The following TEAD1 variants were observed in gnomAD, a reference collection of about 807,000 sequenced individuals.
TEAD1 encodes the protein transcriptional enhancer factor TEF-1.
In TEAD1, 9 loss-of-function variants were observed where a neutral mutation model predicts 54.9. The observed-to-expected ratio is 0.16, with a 90% confidence interval of 0.10 to 0.29. The LOEUF is 0.29. TEAD1 is among the 10% of genes least tolerant of loss of function. The pLI is 1.00. For missense variants in TEAD1, 387 were observed against 535.9 expected, an observed-to-expected ratio of 0.72 and a Z score of 2.74; for synonymous variants, 200 against 187.8, an observed-to-expected ratio of 1.07 and a Z score of -0.53.
intron 2 of TEAD1, among the ~76,000 whole-genome samples, chr11:12,710,815 G>A (rs1175950678): frequency 1.3e-5 from 2 of 152,102 alleles, no homozygotes; most frequent in Non-Finnish European, 2.9e-5. Flanking sequence ...TGACACGTGA[G>A]TTAGGGAGAG....
chr11:12,816,892 C>T (rs951054198), intron 3 of TEAD1, among the ~76,000 whole-genome samples: 1 of 152,180 alleles, frequency 6.6e-6, no homozygotes. Context: ...GCACCCCTCC[C>T]TGTTCTTCAA....
At chr11:12,758,233 G>GT (rs547249617) in intron 2 of TEAD1, among the ~76,000 whole-genome samples, 3,421 of 138,846 alleles carry the variant, frequency 0.025, 57 homozygotes, top group South Asian at 0.083. Context: ...TTTTTGTTTT[G>GT]TTTTTTTTTT....
At chr11:12,881,128 T>C (rs1380056173) in intron 7 of TEAD1, 77 bp downstream of exon 7, 7 of 1,509,228 alleles carry the variant, frequency 4.6e-6, no homozygotes, top group Non-Finnish European at 6.4e-6. Flanking sequence ...TCCTGGACCA[T>C]AGTGTCTCAG....
intron 10 of TEAD1, among the ~76,000 whole-genome samples, chr11:12,921,752 G>A (rs959095469): frequency 6.6e-6 from 1 of 152,084 alleles, no homozygotes; most frequent in Non-Finnish European, 1.5e-5. Context: ...GTGTGCCTGA[G>A]GTGTATGGTA....
At chr11:12,818,489 G>A (rs1289125349) in intron 3 of TEAD1, among the ~76,000 whole-genome samples, 1 of 152,178 alleles carries the variant, frequency 6.6e-6, no homozygotes, top group Non-Finnish European at 1.5e-5. Flanking sequence ...TTGGAGATCA[G>A]TGGTGGTGCT....
intron 9 of TEAD1, among the ~76,000 whole-genome samples, chr11:12,899,873 C>T (rs1948391081): frequency 6.6e-6 from 1 of 152,186 alleles, no homozygotes; most frequent in Non-Finnish European, 1.5e-5. Context: ...GTTGCACTGC[C>T]CCTTATATGC....
chr11:12,890,415 G>A (rs1249102746), intron 9 of TEAD1, among the ~76,000 whole-genome samples: 2 of 152,142 alleles, frequency 1.3e-5, no homozygotes, highest in Non-Finnish European at 2.9e-5. Context: ...TGCCAAAAAG[G>A]GGACCGCTGC....
At chr11:12,917,734 T>C (rs998516677) in intron 10 of TEAD1, among the ~76,000 whole-genome samples, 3 of 152,208 alleles carry the variant, frequency 2.0e-5, no homozygotes, top group African/African-American at 7.2e-5. Flanking sequence ...ACCTCTGAAC[T>C]AAGTTTCAGC....
rs943627513 is a variant in TEAD1, at chr11:12,902,975, A to G, written c.873+862A>G. Among the ~76,000 whole-genome samples the G allele has an allele frequency of 4.6e-5, 7 of 152,120 alleles. No individual in the cohort carries two copies. The East Asian group carries it at 1.4e-3, about 29-fold the overall frequency. Reference sequence around the variant, plus strand: ...TTGATTTCTCTTTTAATCCCATTGCATTTGGTAATCACTTCCCATGCTGTG... The same window carrying G: ...TTGATTTCTCTTTTAATCCCATTGCGTTTGGTAATCACTTCCCATGCTGTG... On this transcript the variant is annotated intron_variant, in intron 10 of 12. Transcript: ENST00000527636.
intron 9 of TEAD1, among the ~76,000 whole-genome samples, chr11:12,901,629 T>C (rs184458116): frequency 6.6e-6 from 1 of 152,278 alleles, no homozygotes; most frequent in Non-Finnish European, 1.5e-5. Context: ...TCAGGTGAAA[T>C]TGGGTAATAC....
chr11:12,883,580 C>T (rs1742623340), intron 9 of TEAD1, among the ~76,000 whole-genome samples: 1 of 152,156 alleles, frequency 6.6e-6, no homozygotes, highest in Admixed American at 6.5e-5. Context: ...CAGAGTCACA[C>T]AGTTAATCTC....
intron 3 of TEAD1, among the ~76,000 whole-genome samples, chr11:12,801,934 C>T (rs529313137): frequency 6.6e-6 from 1 of 152,250 alleles, no homozygotes; most frequent in African/African-American, 2.4e-5. Flanking sequence ...TTGAGTTTGG[C>T]TTAATGTAGA....
In TEAD1 at chr11:12,939,321, CT is replaced by C. The variant is rs1564998423; in HGVS notation, c.*2100del. The C allele has an allele frequency of 2.0e-5, 3 of 152,234 alleles. No homozygotes were observed. The highest frequency in any genetic ancestry group is 4.8e-5 in the African/African-American group (2 of 41,430). The allele number at this position is 152,234 out of a possible 1,614,324, so 9.4% of individuals were successfully genotyped here. On this transcript the variant is annotated 3_prime_UTR_variant, in exon 13 of 13. Transcript: ENST00000527636. ...ACCCCTCTTAGGGATGTTTCTTTTGCTCTTATTTCCTGCATCTTTCCTTAAG... is the reference window on the plus strand; with the variant it reads ...ACCCCTCTTAGGGATGTTTCTTTTGCCTTATTTCCTGCATCTTTCCTTAAG...
intron 2 of TEAD1, among the ~76,000 whole-genome samples, chr11:12,754,117 C>G (rs1944937141): frequency 6.6e-6 from 1 of 152,214 alleles, no homozygotes; most frequent in Non-Finnish European, 1.5e-5. Context: ...CAGTACTATA[C>G]TATTAATGAC....
chr11:12,930,411 G>GGCCTGC lies in TEAD1; in HGVS notation c.1167+89_1167+94dup, dbSNP rs574763810. The GGCCTGC allele has an allele frequency of 5.8e-6, 9 of 1,549,982 alleles. No homozygotes were observed. The South Asian group carries it at 9.0e-5, about 15-fold the overall frequency. On this transcript the variant is annotated intron_variant, in intron 12 of 12. Transcript: ENST00000527636. Reference sequence around the variant, plus strand: ...AGGAAGGTGGGCCTGGGAGGCGCTGGGCCTGCGCCGAGGGAACTGACCAGG... The same window carrying GGCCTGC: ...AGGAAGGTGGGCCTGGGAGGCGCTGGGCCTGCGCCTGCGCCGAGGGAACTGACCAGG...
At chr11:12,706,638 C>G (rs1268157451) in intron 2 of TEAD1, among the ~76,000 whole-genome samples, 2 of 152,180 alleles carry the variant, frequency 1.3e-5, no homozygotes, top group African/African-American at 2.4e-5. Context: ...GTGGAGCTCC[C>G]AGGTGCAACC....
At chr11:12,742,313 A>G (rs759519169) in intron 2 of TEAD1, among the ~76,000 whole-genome samples, 3 of 152,242 alleles carry the variant, frequency 2.0e-5, no homozygotes, top group Non-Finnish European at 4.4e-5. Flanking sequence ...AGAGATAGTA[A>G]TATTTCTACC....
intron 3 of TEAD1, among the ~76,000 whole-genome samples, chr11:12,777,104 T>A (rs1294110465): frequency 6.6e-6 from 1 of 152,118 alleles, no homozygotes; most frequent in Non-Finnish European, 1.5e-5. Flanking sequence ...TATTTTTTTT[T>A]AAAGTTTGTT....
chr11:12,880,174 C>T lies in TEAD1; in HGVS notation c.465+332C>T, dbSNP rs189329170. On this transcript the variant is annotated intron_variant, in intron 6 of 12. Coordinates refer to ENST00000527636, the MANE Select transcript of TEAD1 (RefSeq NM_021961.6). ...GCCTTTCTGGGTTGGGCTCAGGCGT[C>T]TTCTCTCTTTATCTTTTTCCTGGCC... 3.9e-5 allele frequency among the ~76,000 whole-genome samples: 6 copies of T among 152,316 alleles called. 1 individual carries two copies. The East Asian group carries it at 1.2e-3, about 29-fold the overall frequency.
Sources: gnomAD v4.1 joint callset for allele counts (sites outside exome capture counted in the v4.1 genomes callset) on GRCh38, gnomAD v4.1.1 for gene constraint, MANE v1.5 for transcripts, NCBI Gene and HGNC (gene_info 2026-07-23, HGNC 2026-07-21) for gene names.